The following KCTD20 variants were observed in gnomAD, a reference collection of about 807,000 sequenced individuals.
The protein encoded by KCTD20 is potassium channel tetramerization domain containing 20.
KCTD20 carries 30 observed loss-of-function variants against 39.6 expected under a neutral mutation model. The observed-to-expected ratio is 0.76, with a 90% CI of 0.57 to 1.03. KCTD20 has a LOEUF of 1.03. KCTD20 is among the 50% of genes least tolerant of loss of function. The pLI is 0.00. For synonymous variants in KCTD20, 162 were observed against 180.6 expected, an observed-to-expected ratio of 0.90 and a Z score of 0.83; for missense variants, 422 against 522.0, an observed-to-expected ratio of 0.81 and a Z score of 1.87.
intron 1 of KCTD20, among the ~76,000 whole-genome samples, chr6:36,454,092 G>T (rs186950953): frequency 6.6e-6 from 1 of 152,328 alleles, no homozygotes; most frequent in African/African-American, 2.4e-5. Context: ...TAGCCTGAAT[G>T]TGGTCAGTTC....
At chr6:36,477,975 G>A (rs551095929) in intron 3 of KCTD20, among the ~76,000 whole-genome samples, 4 of 151,430 alleles carry the variant, frequency 2.6e-5, no homozygotes, top group East Asian at 2.0e-4. Context: ...GGCGCCTGTA[G>A]TCCCAACTGC....
At chr6:36,445,291 A>T in intron 1 of KCTD20, among the ~76,000 whole-genome samples, 1 of 151,784 alleles carries the variant, frequency 6.6e-6, no homozygotes, top group South Asian at 2.1e-4. Flanking sequence ...AATCTGTAAC[A>T]GAGACATCTA....
intron 1 of KCTD20, among the ~76,000 whole-genome samples, chr6:36,467,318 ATTTTTTTTTTTTTTTTT>A (rs775332647): frequency 8.4e-4 from 25 of 29,902 alleles, no homozygotes; most frequent in African/African-American, 3.1e-3. Flanking sequence ...ATCCTTCAGG[ATTTTTTTTTTTTTTTTT>A]TTTTTTTTTT....
intron 1 of KCTD20, among the ~76,000 whole-genome samples, chr6:36,453,984 A>C (rs1390808988): frequency 6.6e-6 from 1 of 152,096 alleles, no homozygotes; most frequent in Admixed American, 6.6e-5. Flanking sequence ...ACATTTGAGG[A>C]TATTTTGTTT....
intron 3 of KCTD20, among the ~76,000 whole-genome samples, chr6:36,476,381 G>T (rs1776062004): frequency 1.3e-5 from 2 of 151,064 alleles, no homozygotes; most frequent in Non-Finnish European, 2.9e-5. Flanking sequence ...ATAGAATCCA[G>T]CCATTCAAAT....
intron 1 of KCTD20, among the ~76,000 whole-genome samples, chr6:36,460,175 TC>T (rs1775557732): frequency 1.3e-5 from 2 of 152,198 alleles, no homozygotes; most frequent in Non-Finnish European, 2.9e-5. Flanking sequence ...TGGATTGTTC[TC>T]CTTAAGGTTT....
rs367786498 is a variant in KCTD20 at position 36,479,212 on chromosome 6, C to T, written c.526C>T (p.Arg176Cys). 5.3e-5 allele frequency: 85 copies of T among 1,611,914 alleles called. No homozygotes were observed. Among genetic ancestry groups the T allele is most frequent in the South Asian group, 6.6e-5 (6 of 91,010 alleles). ...IAEGISATVF[R>C]TVLDYYKTGI... is the part of the protein sequence containing the mutation. ...TGAAGGCATCAGTGCAACTGTATTT[C>T]GCACAGTGCTGGTGTGTGGTAGCCT... The change falls in exon 4 of 8, where the codon CGC (arginine) becomes TGC (cysteine). Residue 176 changes from arginine to cysteine, a missense_variant. Transcript: ENST00000373731.
chr6:36,482,985 C>T (rs963078237), intron 6 of KCTD20, among the ~76,000 whole-genome samples: 2 of 150,296 alleles, frequency 1.3e-5, no homozygotes, highest in East Asian at 1.9e-4. Flanking sequence ...GGCATGGTGG[C>T]CCATGCCTGT....
intron 2 of KCTD20, among the ~76,000 whole-genome samples, chr6:36,472,253 C>G (rs1265668431): frequency 6.6e-6 from 1 of 152,142 alleles, no homozygotes; most frequent in Non-Finnish European, 1.5e-5. Context: ...CTGTGAGTTA[C>G]CTGGAAGCGT....
intron 1 of KCTD20, among the ~76,000 whole-genome samples, chr6:36,466,755 C>T (rs188335127): frequency 1.5e-3 from 235 of 151,900 alleles, no homozygotes; most frequent in Admixed American, 2.2e-3. Context: ...GGGATGGCTA[C>T]AGAAGTGAAC....
rs1339572338 is a variant in KCTD20, at chr6:36,452,923, T to C, written c.-47+9812T>C. On this transcript the variant is annotated intron_variant, in intron 1 of 7. Coordinates refer to ENST00000373731, the MANE Select transcript of KCTD20 (RefSeq NM_173562.5). ...TAAAGTATAGAGTTGAGTGGTTTAG[T>C]ATATTCAAAGTTGTGCAGACATTAC... Among the ~76,000 whole-genome samples, 2 of 151,900 alleles carry C rather than the reference T, an allele frequency of 1.3e-5. 1 individual carries two copies. Among genetic ancestry groups the C allele is most frequent in the Middle Eastern group, 6.3e-3 (2 of 316 alleles).
intron 1 of KCTD20, among the ~76,000 whole-genome samples, chr6:36,464,721 G>A (rs1775692307): frequency 6.6e-6 from 1 of 152,114 alleles, no homozygotes; most frequent in South Asian, 2.1e-4. Context: ...CATTAGCAGA[G>A]TTCTCATTAG....
chr6:36,466,063 TTTTG>T (rs1164384117), intron 1 of KCTD20, among the ~76,000 whole-genome samples: 2 of 151,820 alleles, frequency 1.3e-5, no homozygotes, highest in African/African-American at 4.8e-5. Context: ...TGTTGAAGTG[TTTTG>T]TTTCTTTTCT....
At chr6:36,444,037 A>C (rs953173071) in intron 1 of KCTD20, among the ~76,000 whole-genome samples, 1 of 152,202 alleles carries the variant, frequency 6.6e-6, no homozygotes, top group African/African-American at 2.4e-5. Context: ...CTTCCGCTCA[A>C]GGCCCCCACC....
At chr6:36,455,932 A>C (rs1465198253) in intron 1 of KCTD20, among the ~76,000 whole-genome samples, 1 of 152,226 alleles carries the variant, frequency 6.6e-6, no homozygotes, top group African/African-American at 2.4e-5. Flanking sequence ...CACCTGTATT[A>C]GTGTTTGAAT....
intron 1 of KCTD20, among the ~76,000 whole-genome samples, chr6:36,449,628 C>A (rs1775176576): frequency 6.6e-6 from 1 of 152,156 alleles, no homozygotes; most frequent in African/African-American, 2.4e-5. Flanking sequence ...TCTCCAAGTC[C>A]CCACTCGACC....
chr6:36,478,562 A>C lies in KCTD20; in HGVS notation c.435-559A>C, dbSNP rs115760414. Among the ~76,000 whole-genome samples, 949 of 152,238 alleles carry C rather than the reference A, an allele frequency of 6.2e-3. 13 individuals carry two copies. Among genetic ancestry groups the C allele is most frequent in the African/African-American group, 0.022 (910 of 41,540 alleles). ...TATTGAGTAAGGCCATTTTTCCCCC[A>C]GAGCTCGACTATTAAGACATACCAA... On this transcript the variant is annotated intron_variant, in intron 3 of 7. Coordinates refer to ENST00000373731, the MANE Select transcript of KCTD20 (RefSeq NM_173562.5).
chr6:36,473,123 C>T (rs899391310), intron 2 of KCTD20, among the ~76,000 whole-genome samples: 15 of 151,772 alleles, frequency 9.9e-5, no homozygotes, highest in South Asian at 2.1e-4. Flanking sequence ...TGCAGTGGCG[C>T]GATCTCGGCT....
At chr6:36,451,404 CTT>C (rs1433985585) in intron 1 of KCTD20, 1 of 152,142 alleles carries the variant, frequency 6.6e-6, no homozygotes, top group East Asian at 1.9e-4. Context: ...GGAGAATAAT[CTT>C]TTCCATCTTT....
Sources: gnomAD v4.1 joint callset for allele counts (sites outside exome capture counted in the v4.1 genomes callset) on GRCh38, gnomAD v4.1.1 for gene constraint, MANE v1.5 for transcripts, NCBI Gene and HGNC (gene_info 2026-07-23, HGNC 2026-07-21) for gene names.